The following NR5A1 variants were observed in gnomAD, a reference collection of about 807,000 sequenced individuals.
The protein encoded by NR5A1 is nuclear receptor subfamily 5 group A member 1.
In NR5A1, 6 loss-of-function variants were observed where a neutral mutation model predicts 42.7. That is an observed-to-expected ratio of 0.14 (90% CI 0.08 to 0.28). The LOEUF is 0.28. NR5A1 is among the 10% of genes least tolerant of loss of function. NR5A1 has a pLI of 1.00. For synonymous variants in NR5A1, 274 were observed against 277.5 expected (o/e 0.99, Z 0.12); for missense variants, 442 against 626.4 (o/e 0.71, Z 3.14).
Position 124,482,719 on chromosome 9 carries a change from A to AGTCCCGCCCCCAGTCCCG in NR5A1, c.*21_*38dup. On this transcript the variant is annotated 3_prime_UTR_variant, in exon 7 of 7. Coordinates refer to ENST00000373588, the MANE Select transcript of NR5A1 (RefSeq NM_004959.5). ...GCGGCCCCGCCCAGGCCCCGCCCCC[A>AGTCCCGCCCCCAGTCCCG]GTCCCGCCCCCAGTCCCGGCCCCGC... 1 of 95,392 alleles carries AGTCCCGCCCCCAGTCCCG rather than the reference A, an allele frequency of 1.0e-5. No homozygotes were observed. Among genetic ancestry groups the AGTCCCGCCCCCAGTCCCG allele is most frequent in the Non-Finnish European group, 1.9e-5 (1 of 51,794 alleles). The allele number at this position is 95,392 out of a possible 1,614,324, so 5.9% of individuals were successfully genotyped here. A position where few individuals can be genotyped will look rare whatever the true frequency, so the allele number is the denominator to read the frequency against.
intron 6 of NR5A1, among the ~76,000 whole-genome samples, chr9:124,486,412 A>G (rs1832210525): frequency 6.6e-6 from 1 of 152,170 alleles, no homozygotes; most frequent in African/African-American, 2.4e-5. Flanking sequence ...AAGACACACA[A>G]GGTGCCAGAG....
At chr9:124,497,388 G>T (rs989454639) in intron 4 of NR5A1, among the ~76,000 whole-genome samples, 1 of 152,138 alleles carries the variant, frequency 6.6e-6, no homozygotes, top group Admixed American at 6.5e-5. Context: ...TGCTACTATC[G>T]AATCTACCAT....
At chr9:124,489,498 G>A (rs111729432) in intron 6 of NR5A1, among the ~76,000 whole-genome samples, 6 of 152,202 alleles carry the variant, frequency 3.9e-5, no homozygotes, top group African/African-American at 9.7e-5. Context: ...ATGCCAGCAC[G>A]CACGCATGCA....
chr9:124,499,835 A>T (rs1832438918), intron 4 of NR5A1, among the ~76,000 whole-genome samples: 1 of 152,204 alleles, frequency 6.6e-6, no homozygotes, highest in Non-Finnish European at 1.5e-5. Context: ...AGGAAGAGAC[A>T]GAGGCAGAGA....
intron 5 of NR5A1, among the ~76,000 whole-genome samples, chr9:124,491,644 C>T (rs909504342): frequency 6.6e-6 from 1 of 152,118 alleles, no homozygotes; most frequent in Non-Finnish European, 1.5e-5. Flanking sequence ...CCCATGTTCA[C>T]ACCTACACGC....
chr9:124,482,756 G>T lies in NR5A1; in HGVS notation c.*2C>A, dbSNP rs759390100. On this transcript the variant is annotated 3_prime_UTR_variant, in exon 7 of 7. Coordinates refer to ENST00000373588, the MANE Select transcript of NR5A1 (RefSeq NM_004959.5). ...AGTCCCGGCCCCGCCCCCGGCCCAGGCTCAAGTCTGCTTGGCTTGCAGCAT... is the reference window on the plus strand; with the variant it reads ...AGTCCCGGCCCCGCCCCCGGCCCAGTCTCAAGTCTGCTTGGCTTGCAGCAT... 2 of 1,446,716 alleles carry T rather than the reference G, an allele frequency of 1.4e-6. No individual in the cohort carries two copies. The highest frequency in any genetic ancestry group is 1.8e-6 in the Non-Finnish European group (2 of 1,085,554). The allele number at this position is 1,446,716 out of a possible 1,614,324, so 89.6% of individuals were successfully genotyped here.
At position 124,503,269 on chromosome 9, in the gene NR5A1, C is replaced by T. The variant is rs1245012181; in HGVS notation, c.102+25G>A. On this transcript the variant is annotated intron_variant, in intron 2 of 6. Coordinates refer to ENST00000373588, the MANE Select transcript of NR5A1 (RefSeq NM_004959.5). This position sits in a 1 kb window ranked among gnomAD's most constrained non-coding sequence, Gnocchi z 9.6. ...GGCCCCGCAGCGCCCGTCTGCCGCACCCCTGCCGCGCGCTCGCCGCTCACC... is the reference window on the plus strand; with the variant it reads ...GGCCCCGCAGCGCCCGTCTGCCGCATCCCTGCCGCGCGCTCGCCGCTCACC... 6.2e-7 allele frequency: 1 copy of T among 1,606,836 alleles called. No homozygotes were observed. The highest frequency in any genetic ancestry group is 1.1e-5 in the South Asian group (1 of 89,924).
rs752050010 is a variant in NR5A1 at position 124,500,165 on chromosome 9, C to CAGG, written c.792_794dup (p.Leu265dup). ...TGAAGGTCTGGTCGGCCATTCTGCA[C>CAGG]AGGAGGCCGAAGGCCGCCGGCTGGT... On this transcript the variant is annotated inframe_insertion, in exon 4 of 7. Transcript: ENST00000373588. The surrounding 1 kb of genome is among the most constrained non-coding windows in gnomAD (Gnocchi z 6.9). The CAGG allele has an allele frequency of 1.9e-6, 3 of 1,612,558 alleles. No individual in the cohort carries two copies. The highest frequency in any genetic ancestry group is 2.5e-6 in the Non-Finnish European group (3 of 1,179,666).
intron 6 of NR5A1, among the ~76,000 whole-genome samples, chr9:124,490,721 A>G (rs1832294744): frequency 6.6e-6 from 1 of 151,966 alleles, no homozygotes; most frequent in Admixed American, 6.5e-5. Flanking sequence ...TTGTAGAGTC[A>G]ATGAATGGAT....
intron 6 of NR5A1, among the ~76,000 whole-genome samples, chr9:124,483,221 A>G (rs1030200460): frequency 9.9e-5 from 15 of 152,154 alleles, no homozygotes; most frequent in African/African-American, 3.4e-4. Context: ...ATCGTCACCA[A>G]TACCCACATG....
intron 6 of NR5A1, among the ~76,000 whole-genome samples, chr9:124,486,374 C>G (rs983963912): frequency 6.6e-6 from 1 of 152,178 alleles, no homozygotes; most frequent in African/African-American, 2.4e-5. Flanking sequence ...CAGTGCATCC[C>G]CAGGGCTCAG....
In NR5A1 at chr9:124,491,233, G is replaced by A. The variant is rs1308569226; in HGVS notation, c.991-5C>T. 2 of 1,597,864 alleles carry A rather than the reference G, an allele frequency of 1.3e-6. No homozygotes were observed. Among genetic ancestry groups the A allele is most frequent in the South Asian group, 1.1e-5 (1 of 90,172 alleles). On this transcript the variant is annotated splice_region_variant and splice_polypyrimidine_tract_variant and intron_variant, in intron 5 of 6. Transcript: ENST00000373588. ...GGCCACTGTGGTCAGCTCCACCTGG[G>A]GGCAGAGGGCACGGGGCGGGGGACA...
chr9:124,485,812 GCTC>G (rs1832199401), intron 6 of NR5A1, among the ~76,000 whole-genome samples: 1 of 152,182 alleles, frequency 6.6e-6, no homozygotes. Context: ...ACCTAGCTGA[GCTC>G]CTGCTGGCCC....
At chr9:124,487,552 C>T (rs1226755287) in intron 6 of NR5A1, among the ~76,000 whole-genome samples, 2 of 152,260 alleles carry the variant, frequency 1.3e-5, no homozygotes, top group African/African-American at 4.8e-5. Flanking sequence ...TCCGCGCCCT[C>T]CCGAGACGGC....
chr9:124,491,041 C>CCCCCGGGGG, intron 6 of NR5A1, 40 bp downstream of exon 6: 1 of 1,509,666 alleles, frequency 6.6e-7, no homozygotes. Context: ...CCACCCGCCT[C>CCCCCGGGGG]TGGCTGTCTC....
At position 124,503,044 on chromosome 9, in the gene NR5A1, G is replaced by C. The variant is rs900826379; in HGVS notation, c.244+35C>G. On this transcript the variant is annotated intron_variant, in intron 3 of 6. Transcript: ENST00000373588. The surrounding 1 kb of genome is among the most constrained non-coding windows in gnomAD (Gnocchi z 9.6). ...CCCACCCCCTACCCCCTCAGGCTGT[G>C]GGGGGTCAGGGGTCGAGGCCCGCGC... The C allele has an allele frequency of 1.6e-5, 25 of 1,543,754 alleles. No homozygotes were observed. Among genetic ancestry groups the C allele is most frequent in the East Asian group, 2.4e-5 (1 of 41,652 alleles).
rs190097184 is a variant in NR5A1, at chr9:124,491,951, G to C, written c.991-723C>G. On this transcript the variant is annotated intron_variant, in intron 5 of 6. Coordinates refer to ENST00000373588, the MANE Select transcript of NR5A1 (RefSeq NM_004959.5). The stretch of plus-strand genomic sequence containing the variant: ...GGCCACAGAGACTCAGCCAGCCTGC[G>C]GACACCCACACTTCATGCAGACTGC... Among the ~76,000 whole-genome samples, 1,174 of 152,018 alleles carry C rather than the reference G, an allele frequency of 7.7e-3. 13 individuals carry two copies. The highest frequency in any genetic ancestry group is 0.024 in the African/African-American group (987 of 41,446).
rs769207009 is a variant in NR5A1, at chr9:124,500,620, G to T, written c.340C>A (p.Arg114=). The T allele has an allele frequency of 1.2e-6, 2 of 1,613,052 alleles. No individual in the cohort carries two copies. Among genetic ancestry groups the T allele is most frequent in the South Asian group, 2.2e-5 (2 of 91,086 alleles). ...ALKQQKKAQI[R]ANGFKLETGP... is the part of the protein sequence containing the mutation. ...GTCTCCAGCTTGAAGCCATTGGCCC[G>T]AATCTGTGCCTTCTTCTGCTGTTTC... Residue 114 remains arginine (R), a synonymous_variant, in exon 4 of 7, where the codon CGG becomes AGG. Coordinates refer to ENST00000373588, the MANE Select transcript of NR5A1 (RefSeq NM_004959.5). This position sits in a 1 kb window ranked among gnomAD's most constrained non-coding sequence, Gnocchi z 6.9.
chr9:124,493,659 T>TC (rs112429443), intron 4 of NR5A1, among the ~76,000 whole-genome samples: 1 of 151,500 alleles, frequency 6.6e-6, no homozygotes, highest in Non-Finnish European at 1.5e-5. Context: ...ACCAAGGGCT[T>TC]CCCCCCCGGG....
Sources: gnomAD v4.1 joint callset for allele counts (sites outside exome capture counted in the v4.1 genomes callset) on GRCh38, gnomAD v4.1.1 for gene constraint, Gnocchi (gnomAD v3.1) non-coding constraint, MANE v1.5 for transcripts, NCBI Gene and HGNC (gene_info 2026-07-23, HGNC 2026-07-21) for gene names.